Variants in DMD observed in about 807,000 individuals in gnomAD.
DMD encodes dystrophin, also known as mutant dystrophin.
Under a neutral mutation model 330.1 loss-of-function variants are expected in DMD, and 63 were observed. The ratio of observed to expected loss-of-function variants is 0.19; its 90% CI spans 0.16 to 0.24. The LOEUF is 0.24. Ranked by LOEUF, DMD falls within the 10% of genes least tolerant of loss-of-function variation. The pLI is 1.00. For synonymous variants in DMD, 1,223 were observed against 959.8 expected (o/e 1.27, Z -5.07); for missense variants, 3,344 against 2,684.1 (o/e 1.25, Z -5.43).
chrX:32,655,397 C>T (rs886323110), intron 9 of DMD, among the ~76,000 whole-genome samples: 2 of 111,822 alleles, frequency 1.8e-5, no homozygotes, highest in African/African-American at 6.5e-5. Flanking sequence ...CGTTATGTAC[C>T]CAGTAGTCAT....
At chrX:31,946,711 G>A (rs2095092191) in intron 45 of DMD, among the ~76,000 whole-genome samples, 1 of 111,004 alleles carries the variant, frequency 9.0e-6, no homozygotes, top group Non-Finnish European at 1.9e-5. Context: ...TGTGTTTTCT[G>A]GTTCTCAGAT....
chrX:32,341,516 T>TC (rs2097742609), intron 41 of DMD, among the ~76,000 whole-genome samples: 1 of 111,902 alleles, frequency 8.9e-6, no homozygotes, highest in Non-Finnish European at 1.9e-5. Flanking sequence ...AATAACATTA[T>TC]CTGATATTGT....
chrX:32,673,398 A>G (rs1184299399), intron 9 of DMD, among the ~76,000 whole-genome samples: 1 of 111,780 alleles, frequency 8.9e-6, no homozygotes, highest in Non-Finnish European at 1.9e-5. Flanking sequence ...CCAAGAAAGA[A>G]AAAACCTCAT....
At chrX:32,394,924 A>AAAAAAC (rs1253028576) in intron 30 of DMD, among the ~76,000 whole-genome samples, 1 of 86,706 alleles carries the variant, frequency 1.2e-5, no homozygotes, top group African/African-American at 5.1e-5. Flanking sequence ...AACAAAAAAA[A>AAAAAAC]AAAAAAAAAG....
At chrX:31,614,944 C>A (rs1390939895) in intron 55 of DMD, among the ~76,000 whole-genome samples, 1 of 111,938 alleles carries the variant, frequency 8.9e-6, no homozygotes, top group Non-Finnish European at 1.9e-5. Flanking sequence ...AAGAGAGGCA[C>A]TAATGTAGTT....
At chrX:32,336,573 G>T (rs778311502) in intron 41 of DMD, among the ~76,000 whole-genome samples, 5 of 111,364 alleles carry the variant, frequency 4.5e-5, no homozygotes, top group Non-Finnish European at 7.5e-5. Context: ...ACTTCTAGAA[G>T]TAACCGTAAG....
chrX:31,656,139 G>A (rs1420944621), intron 54 of DMD, among the ~76,000 whole-genome samples: 1 of 112,126 alleles, frequency 8.9e-6, no homozygotes, highest in Non-Finnish European at 1.9e-5. Context: ...AAAAGAACAG[G>A]GAAGAACTTT....
rs765731599 is a variant in DMD, at chrX:32,806,695, T to C, written c.649+2798A>G. Among the ~76,000 whole-genome samples, 49 of 111,493 alleles carry C rather than the reference T, an allele frequency of 4.4e-4. No homozygotes were observed. The South Asian group carries it at 0.018, about 41-fold the overall frequency. The stretch of plus-strand genomic sequence containing the variant: ...CTAAAATTGATCACATAATTAGAAG[T>C]AAAACACTCCTCAGCAAATGCAAAA... On this transcript the variant is annotated intron_variant, in intron 7 of 78. Coordinates refer to ENST00000357033, the MANE Select transcript of DMD (RefSeq NM_004006.3).
rs2147611028 is a variant in DMD, at chrX:32,389,531, T to C, written c.4488A>G (p.Glu1496=). ...AATGATTTAGCTGTGACTGTACTAC[T>C]TCCTGTTCCACACTCTTTGTTTCCA... is the stretch of plus-strand genomic sequence containing the variant. ...PALETKSVEQ[E]VVQSQLNHCV... Residue 1496 remains glutamate (E), a synonymous_variant, in exon 32 of 79, where the codon GAA becomes GAG. Coordinates refer to ENST00000357033, the MANE Select transcript of DMD (RefSeq NM_004006.3). 8.3e-7 allele frequency: 1 copy of C among 1,211,428 alleles called. No homozygotes were observed. Among genetic ancestry groups the C allele is most frequent in the South Asian group, 1.8e-5 (1 of 57,023 alleles).
At chrX:31,922,602 T>C (rs1042655279) in intron 47 of DMD, among the ~76,000 whole-genome samples, 5 of 110,232 alleles carry the variant, frequency 4.5e-5, no homozygotes, top group Non-Finnish European at 9.5e-5. Flanking sequence ...TCTGACACTA[T>C]CTCTGGGTGG....
chrX:32,399,550 C>T (rs771885554), intron 30 of DMD, among the ~76,000 whole-genome samples: 143 of 111,184 alleles, frequency 1.3e-3, no homozygotes, highest in African/African-American at 4.5e-3. Flanking sequence ...CACTTCAACT[C>T]AAATGGTTTT....
intron 48 of DMD, among the ~76,000 whole-genome samples, chrX:31,854,768 T>C (rs1451772688): frequency 1.8e-5 from 2 of 111,639 alleles, no homozygotes; most frequent in Admixed American, 9.6e-5. Flanking sequence ...TAGGATGTAA[T>C]GTGAGTTTCA....
intron 1 of DMD, among the ~76,000 whole-genome samples, chrX:33,137,527 A>C (rs768375790): frequency 1.8e-5 from 2 of 112,269 alleles, no homozygotes; most frequent in African/African-American, 6.5e-5. Flanking sequence ...TTTTACATCC[A>C]AGAGGACCAA....
chrX:32,181,515 G>C (rs1274038117), intron 44 of DMD, among the ~76,000 whole-genome samples: 1 of 111,723 alleles, frequency 9.0e-6, no homozygotes, highest in African/African-American at 3.3e-5. Context: ...TGCTTAAGTG[G>C]AAAGACATTA....
At chrX:32,397,332 A>G (rs1275387430) in intron 30 of DMD, among the ~76,000 whole-genome samples, 1 of 111,845 alleles carries the variant, frequency 8.9e-6, no homozygotes, top group Non-Finnish European at 1.9e-5. Context: ...CTTCGTATAA[A>G]ATCAGTAAAC....
intron 50 of DMD, among the ~76,000 whole-genome samples, chrX:31,782,226 T>G (rs1184005175): frequency 9.0e-6 from 1 of 111,443 alleles, no homozygotes; most frequent in East Asian, 2.8e-4. Context: ...ATATTCCAGA[T>G]TCTCCCATTA....
intron 47 of DMD, among the ~76,000 whole-genome samples, chrX:31,881,142 G>A (rs1309945069): frequency 9.0e-6 from 1 of 111,469 alleles, no homozygotes; most frequent in Non-Finnish European, 1.9e-5. Flanking sequence ...AAATATTTTT[G>A]TACGGGTGTT....
intron 2 of DMD, among the ~76,000 whole-genome samples, chrX:32,991,271 C>T (rs2092966818): frequency 9.9e-6 from 1 of 100,697 alleles, no homozygotes; most frequent in Non-Finnish European, 2.1e-5. Flanking sequence ...CTCTTATATT[C>T]AAAAGTGCAA....
At chrX:32,616,558 T>G (rs1355393116) in intron 11 of DMD, among the ~76,000 whole-genome samples, 1 of 110,325 alleles carries the variant, frequency 9.1e-6, no homozygotes, top group Non-Finnish European at 1.9e-5. Context: ...CCCATCAGTG[T>G]TTTTTGTTTA....
Sources: gnomAD v4.1 joint callset for allele counts (sites outside exome capture counted in the v4.1 genomes callset) on GRCh38, gnomAD v4.1.1 for gene constraint, MANE v1.5 for transcripts, NCBI Gene and HGNC (gene_info 2026-07-23, HGNC 2026-07-21) for gene names.